Variants in CSMD1 observed in about 807,000 individuals in gnomAD.
The protein encoded by CSMD1 is CUB and Sushi multiple domains 1, also known as CUB and sushi domain-containing protein 1.
Under a neutral mutation model 417.5 loss-of-function variants are expected in CSMD1, and 213 were observed. The observed-to-expected ratio is 0.51, with a 90% CI of 0.46 to 0.57. The LOEUF is 0.57. CSMD1 is among the 20% of genes least tolerant of loss of function. The pLI, the probability that CSMD1 is intolerant of heterozygous loss-of-function variation, is 0.00. For missense variants in CSMD1, 6,923 were observed against 4,529.7 expected (o/e 1.53, Z -15.17); for synonymous variants, 2,862 against 1,736.8 (o/e 1.65, Z -16.11).
intron 2 of CSMD1, among the ~76,000 whole-genome samples, chr8:4,477,964 C>G (rs937270015): frequency 2.0e-5 from 3 of 152,154 alleles, no homozygotes; most frequent in African/African-American, 7.2e-5. Context: ...TTCATGCATT[C>G]CATCCATTTC....
intron 1 of CSMD1, among the ~76,000 whole-genome samples, chr8:4,821,707 G>T (rs756124308): frequency 1.3e-5 from 2 of 152,174 alleles, no homozygotes; most frequent in Non-Finnish European, 2.9e-5. Context: ...ATTCATTTTG[G>T]TTGAATTCCA....
intron 37 of CSMD1, among the ~76,000 whole-genome samples, chr8:3,180,079 A>C (rs751138569): frequency 6.6e-6 from 1 of 152,214 alleles, no homozygotes; most frequent in Non-Finnish European, 1.5e-5. Flanking sequence ...CTTATTTGCA[A>C]CTGCTTATTA....
chr8:3,394,058 A>AT (rs1811541356), intron 17 of CSMD1, among the ~76,000 whole-genome samples: 16 of 122,944 alleles, frequency 1.3e-4, no homozygotes, highest in Non-Finnish European at 1.8e-4. Flanking sequence ...ATATATATAG[A>AT]AAAAAAGAAA....
At chr8:3,230,301 G>A in intron 26 of CSMD1, 70 bp from the exon 27 acceptor site, 1 of 1,272,328 alleles carries the variant, frequency 7.9e-7, no homozygotes. Flanking sequence ...CGGTGTGGTT[G>A]TTCTTGTGGG....
At chr8:4,094,243 T>A (rs1294793023) in intron 3 of CSMD1, among the ~76,000 whole-genome samples, 2 of 151,886 alleles carry the variant, frequency 1.3e-5, no homozygotes, top group Non-Finnish European at 2.9e-5. Flanking sequence ...CTGGACAAGT[T>A]GACTGTTTGT....
chr8:4,550,352 C>G (rs558123901), intron 2 of CSMD1, among the ~76,000 whole-genome samples: 2 of 151,736 alleles, frequency 1.3e-5, no homozygotes, highest in Non-Finnish European at 2.9e-5. Flanking sequence ...CACACACACA[C>G]ACACACACAA....
chr8:4,991,806 C>T (rs1811482359), intron 1 of CSMD1, among the ~76,000 whole-genome samples: 1 of 152,252 alleles, frequency 6.6e-6, no homozygotes, highest in South Asian at 2.1e-4. Flanking sequence ...CACCAGCCCC[C>T]TTCCTGCCTG....
chr8:4,342,223 G>T (rs200709494), intron 3 of CSMD1, among the ~76,000 whole-genome samples: 1 of 11,426 alleles, frequency 8.8e-5, no homozygotes, highest in Non-Finnish European at 2.0e-4. Context: ...GTGTGTGTGT[G>T]TGTGTGTGTC....
intron 1 of CSMD1, among the ~76,000 whole-genome samples, chr8:4,905,881 TTA>T: frequency 6.6e-6 from 1 of 151,156 alleles, no homozygotes; most frequent in African/African-American, 2.4e-5. Flanking sequence ...CTTAAAATTA[TTA>T]TTCTCACATC....
intron 62 of CSMD1, among the ~76,000 whole-genome samples, 192 bp from the exon 63 acceptor site, chr8:2,957,999 T>C (rs1803142422): frequency 6.6e-6 from 1 of 152,378 alleles, no homozygotes; most frequent in African/African-American, 2.4e-5. Flanking sequence ...GATTGCTCAA[T>C]GAATAATGTA....
chr8:4,601,156 T>A (rs577174183), intron 2 of CSMD1, among the ~76,000 whole-genome samples: 2 of 152,296 alleles, frequency 1.3e-5, no homozygotes, highest in South Asian at 4.1e-4. Flanking sequence ...GGTTTCTCCA[T>A]GTTGGTCAGG....
intron 5 of CSMD1, among the ~76,000 whole-genome samples, chr8:3,823,867 C>G (rs1208301841): frequency 6.6e-6 from 1 of 152,034 alleles, no homozygotes; most frequent in Non-Finnish European, 1.5e-5. Flanking sequence ...AATTTAAATA[C>G]TTTTCTGATC....
chr8:3,323,755 A>C (rs1304211245), intron 23 of CSMD1, among the ~76,000 whole-genome samples: 1 of 136,442 alleles, frequency 7.3e-6, no homozygotes, highest in Non-Finnish European at 1.6e-5. Flanking sequence ...CCTTCACCCC[A>C]CCTTTCATCA....
At chr8:4,283,339 C>T (rs527473281) in intron 3 of CSMD1, among the ~76,000 whole-genome samples, 3 of 152,140 alleles carry the variant, frequency 2.0e-5, no homozygotes, top group African/African-American at 7.2e-5. Flanking sequence ...TCACTGCTGC[C>T]CTGTATAAAT....
At chr8:4,906,959 T>G (rs1328003805) in intron 1 of CSMD1, among the ~76,000 whole-genome samples, 1 of 152,242 alleles carries the variant, frequency 6.6e-6, no homozygotes, top group Non-Finnish European at 1.5e-5. Context: ...CCTAAATGAC[T>G]TGCCTACTAA....
At chr8:4,491,224 C>A (rs1248123384) in intron 2 of CSMD1, among the ~76,000 whole-genome samples, 2 of 152,010 alleles carry the variant, frequency 1.3e-5, no homozygotes, top group South Asian at 2.1e-4. Context: ...ATAGATACAA[C>A]TTCAATACTA....
At chr8:4,044,332 A>G (rs1459912428) in intron 3 of CSMD1, among the ~76,000 whole-genome samples, 1 of 152,222 alleles carries the variant, frequency 6.6e-6, no homozygotes, top group Non-Finnish European at 1.5e-5. Flanking sequence ...CTTAAAAATA[A>G]CACAATGCAA....
At chr8:3,554,327 G>A (rs115668672) in intron 10 of CSMD1, among the ~76,000 whole-genome samples, 2,270 of 152,320 alleles carry the variant, frequency 0.015, 63 homozygotes, top group African/African-American at 0.052. Flanking sequence ...TCAGAAGAGT[G>A]AGAAATAACT....
chr8:3,874,053 C>G (rs1050338029), intron 5 of CSMD1, among the ~76,000 whole-genome samples: 3 of 152,170 alleles, frequency 2.0e-5, no homozygotes, highest in Non-Finnish European at 4.4e-5. Flanking sequence ...TTTCCACTTC[C>G]CTCCCCTCAA....
Sources: allele counts gnomAD v4.1 joint callset (sites outside exome capture counted in the v4.1 genomes callset), GRCh38; gene constraint gnomAD v4.1.1; transcripts MANE v1.5; gene names NCBI Gene and HGNC (gene_info 2026-07-23, HGNC 2026-07-21).